GGPS1: variants seen among roughly 807,000 people sequenced by gnomAD.
The protein encoded by GGPS1 is geranylgeranyl pyrophosphate synthase.
GGPS1 carries 15 observed loss-of-function variants against 28.1 expected under a neutral mutation model. That is an observed-to-expected ratio of 0.53 (90% CI 0.36 to 0.82). The LOEUF (loss-of-function observed/expected upper bound fraction) is 0.82, where lower values mean the gene tolerates loss of function less well. Ranked by LOEUF, GGPS1 falls within the 40% of genes least tolerant of loss-of-function variation. The pLI is 0.01. For missense variants in GGPS1, 284 were observed against 348.3 expected (o/e 0.82, Z 1.47); for synonymous variants, 138 against 122.4 (o/e 1.13, Z -0.84).
intron 2 of GGPS1, among the ~76,000 whole-genome samples, chr1:235,340,757 AAC>A (rs1491494064): frequency 3.3e-5 from 5 of 150,058 alleles, no homozygotes; most frequent in Admixed American, 1.3e-4. Flanking sequence ...AAAAAAAAAA[AAC>A]AAGAAAGAAA....
At chr1:235,331,047 A>C (rs548949230) in intron 1 of GGPS1, among the ~76,000 whole-genome samples, 1 of 152,248 alleles carries the variant, frequency 6.6e-6, no homozygotes, top group African/African-American at 2.4e-5. Flanking sequence ...GAGATCAAAT[A>C]GTATAGGTAA....
upstream of GGPS1, chr1:235,327,804 A>G (rs919990443): frequency 1.3e-5 from 2 of 152,758 alleles, no homozygotes; most frequent in Non-Finnish European, 2.9e-5. Context: ...TGGCACGTCC[A>G]GAGTCCCCTC....
At chr1:235,338,746 G>T (rs12095966) in intron 2 of GGPS1, among the ~76,000 whole-genome samples, 26 of 152,094 alleles carry the variant, frequency 1.7e-4, no homozygotes, top group African/African-American at 5.5e-4. Context: ...AGCCAGGCAT[G>T]GTGGCTTGTT....
intron 2 of GGPS1, among the ~76,000 whole-genome samples, chr1:235,340,006 C>G (rs758733308): frequency 6.6e-6 from 1 of 151,836 alleles, no homozygotes; most frequent in Non-Finnish European, 1.5e-5. Context: ...GTGGCACATG[C>G]GTGTAATCCC....
Position 235,341,786 on chromosome 1 carries a change from G to C in GGPS1, c.141+8G>C. On this transcript the variant is annotated splice_region_variant and intron_variant, in intron 3 of 3. Coordinates refer to ENST00000282841, the MANE Select transcript of GGPS1 (RefSeq NM_004837.4). Reference sequence around the variant, plus strand: ...CCAGAGGACAAGCTACAGGTATTAGGCAACTCTAACCTCATTAATCCCCAA... The same window carrying C: ...CCAGAGGACAAGCTACAGGTATTAGCCAACTCTAACCTCATTAATCCCCAA... The C allele has an allele frequency of 6.6e-7, 1 of 1,520,030 alleles. No individual in the cohort carries two copies. Among genetic ancestry groups the C allele is most frequent in the Non-Finnish European group, 9.1e-7 (1 of 1,094,716 alleles). 94.2% of individuals were successfully genotyped at this position (1,520,030 alleles called of 1,614,324 possible). A position where few individuals can be genotyped will look rare whatever the true frequency, so the allele number is the denominator to read the frequency against.
chr1:235,331,738 G>A (rs1675723567), intron 1 of GGPS1, among the ~76,000 whole-genome samples: 1 of 151,726 alleles, frequency 6.6e-6, no homozygotes, highest in Non-Finnish European at 1.5e-5. Context: ...CACTTGCACA[G>A]TTGATGGTTA....
intron 2 of GGPS1, among the ~76,000 whole-genome samples, chr1:235,341,095 C>G (rs904452892): frequency 8.5e-5 from 13 of 152,212 alleles, no homozygotes; most frequent in Admixed American, 1.3e-4. Context: ...TTTGGGAGGC[C>G]GATGCGGGTG....
intron 1 of GGPS1, 149 bp downstream of exon 1, chr1:235,328,927 A>C (rs1450051183): frequency 6.6e-6 from 1 of 152,366 alleles, no homozygotes; most frequent in Non-Finnish European, 1.5e-5. Context: ...CCTAGCTTTA[A>C]GCGAGGAGGG....
chr1:235,341,454 A>G (rs1256222159), intron 2 of GGPS1, among the ~76,000 whole-genome samples: 2 of 152,192 alleles, frequency 1.3e-5, no homozygotes, highest in African/African-American at 2.4e-5. Context: ...CTAGTAGGCA[A>G]CTGAAGTGCT....
At chr1:235,331,444 G>C (rs1265685963) in intron 1 of GGPS1, among the ~76,000 whole-genome samples, 1 of 152,128 alleles carries the variant, frequency 6.6e-6, no homozygotes, top group Non-Finnish European at 1.5e-5. Flanking sequence ...GTCTTAGCTT[G>C]TTATAACACA....
chr1:235,333,854 A>C (rs1420826933), intron 1 of GGPS1, among the ~76,000 whole-genome samples: 1 of 152,222 alleles, frequency 6.6e-6, no homozygotes, highest in Non-Finnish European at 1.5e-5. Context: ...AGGATTCTAA[A>C]GACTAAATCA....
chr1:235,335,853 CAGT>C (rs1329052238), intron 2 of GGPS1, among the ~76,000 whole-genome samples: 1 of 152,204 alleles, frequency 6.6e-6, no homozygotes, highest in African/African-American at 2.4e-5. Flanking sequence ...ATTTGTTTAA[CAGT>C]AGAACACTTT....
intron 2 of GGPS1, among the ~76,000 whole-genome samples, chr1:235,337,508 CTT>C (rs1044596102): frequency 1.3e-5 from 2 of 152,124 alleles, no homozygotes; most frequent in African/African-American, 4.8e-5. Context: ...ACATAACACA[CTT>C]ATTTTTTTAC....
Position 235,343,241 on chromosome 1 carries a change from T to G in GGPS1, c.*469T>G, listed in dbSNP as rs1342274575. The G allele has an allele frequency of 6.0e-6, 1 of 167,640 alleles. No individual in the cohort carries two copies. Among genetic ancestry groups the G allele is most frequent in the East Asian group, 1.9e-4 (1 of 5,220 alleles). The allele number at this position is 167,640 out of a possible 1,614,324, so 10.4% of individuals were successfully genotyped here. On this transcript the variant is annotated 3_prime_UTR_variant, in exon 4 of 4. Coordinates refer to ENST00000282841, the MANE Select transcript of GGPS1 (RefSeq NM_004837.4). ...CTCACTTTTCCCCCCGGAAACACCC[T>G]CACTGAAGTCTTCTATGAAAAGGCT...
intron 2 of GGPS1, among the ~76,000 whole-genome samples, chr1:235,337,816 C>CA (rs112819918): frequency 0.073 from 9,333 of 127,650 alleles, 963 homozygotes; most frequent in African/African-American, 0.24. Flanking sequence ...GACACTGTCT[C>CA]AAAAAAAAAA....
chr1:235,338,692 C>CG (rs1054576180), intron 2 of GGPS1, among the ~76,000 whole-genome samples: 1 of 149,392 alleles, frequency 6.7e-6, no homozygotes, highest in Non-Finnish European at 1.5e-5. Context: ...GGCAACAGGG[C>CG]GAAACCCTGC....
intron 2 of GGPS1, among the ~76,000 whole-genome samples, chr1:235,339,381 T>C (rs1050906827): frequency 5.3e-5 from 8 of 151,992 alleles, no homozygotes; most frequent in Admixed American, 2.6e-4. Flanking sequence ...GACAGGAGAA[T>C]CCCTTGAACC....
chr1:235,338,299 C>T lies in GGPS1; in HGVS notation c.70+2965C>T, dbSNP rs910311141. Among the ~76,000 whole-genome samples the T allele has an allele frequency of 2.0e-5, 3 of 151,190 alleles. No homozygotes were observed. In the East Asian group the frequency reaches 5.9e-4, roughly 30 times the overall value. On this transcript the variant is annotated intron_variant, in intron 2 of 3. Coordinates refer to ENST00000282841, the MANE Select transcript of GGPS1 (RefSeq NM_004837.4). ...TGGGGGACTGAGGTGGGATGATTAC[C>T]GGAGCCTGGGAGGTTGAGGCTGCAG...
intron 1 of GGPS1, 85 bp from the exon 2 acceptor site, chr1:235,335,157 A>G (rs1198313192): frequency 3.1e-6 from 2 of 646,988 alleles, no homozygotes; most frequent in South Asian, 1.8e-5. Context: ...CTTTTCACAA[A>G]CACCCTGCAA....
Sources: allele counts gnomAD v4.1 joint callset (sites outside exome capture counted in the v4.1 genomes callset), GRCh38; gene constraint gnomAD v4.1.1; transcripts MANE v1.5; gene names NCBI Gene and HGNC (gene_info 2026-07-23, HGNC 2026-07-21).